The following GIPC2 variants were observed in gnomAD, a reference collection of about 807,000 sequenced individuals.
GIPC2 encodes the protein GIPC PDZ domain containing family member 2, also known as PDZ domain-containing protein GIPC2.
In GIPC2, 30 loss-of-function variants were observed where a neutral mutation model predicts 30.6. That is an observed-to-expected ratio of 0.98 (90% CI 0.73 to 1.33). The LOEUF is 1.33. Among genes scored for constraint, GIPC2 ranks in the 40% most tolerant of loss-of-function variants. The probability of loss-of-function intolerance (pLI) is 0.00; values close to 1 mark genes in which losing one functional copy is unlikely to be tolerated. For missense variants in GIPC2, 414 were observed against 390.3 expected (o/e 1.06, Z -0.51); for synonymous variants, 167 against 150.0 (o/e 1.11, Z -0.83).
rs567810748 is a variant in GIPC2, at chr1:78,135,752, C to G, written c.*9C>G. 9 of 1,599,892 alleles carry G rather than the reference C, an allele frequency of 5.6e-6. No individual in the cohort carries two copies. In the African/African-American group the frequency reaches 1.2e-4, roughly 22 times the overall value. On this transcript the variant is annotated 3_prime_UTR_variant, in exon 6 of 6. Coordinates refer to ENST00000370759, the MANE Select transcript of GIPC2 (RefSeq NM_017655.6). ...AACGAAGAGGATTATGATGTGTACA[C>G]TCCATCTCTGAAGAAACAACCCATC...
At chr1:78,073,229 G>A (rs982461598) in intron 1 of GIPC2, among the ~76,000 whole-genome samples, 1 of 151,008 alleles carries the variant, frequency 6.6e-6, no homozygotes, top group African/African-American at 2.4e-5. Flanking sequence ...TCAGCCTCCT[G>A]AGTAGCTGGG....
At chr1:78,096,570 A>G (rs1056617441) in intron 3 of GIPC2, among the ~76,000 whole-genome samples, 1 of 151,766 alleles carries the variant, frequency 6.6e-6, no homozygotes, top group Non-Finnish European at 1.5e-5. Context: ...ATATACCTTA[A>G]CTTGGATGCT....
chr1:78,110,151 G>A (rs1283986001), intron 3 of GIPC2, among the ~76,000 whole-genome samples: 2 of 151,520 alleles, frequency 1.3e-5, no homozygotes, highest in Non-Finnish European at 2.9e-5. Flanking sequence ...TAACCTGCAC[G>A]TTGTGCACAT....
intron 1 of GIPC2, among the ~76,000 whole-genome samples, chr1:78,068,288 A>G (rs1661558625): frequency 1.3e-5 from 2 of 152,342 alleles, no homozygotes; most frequent in South Asian, 4.1e-4. Context: ...CCCCATACTC[A>G]TTAAGTCTCC....
At chr1:78,107,861 C>T (rs1435171481) in intron 3 of GIPC2, among the ~76,000 whole-genome samples, 2 of 124,278 alleles carry the variant, frequency 1.6e-5, no homozygotes, top group Non-Finnish European at 3.3e-5. Context: ...AAAAAAAGAG[C>T]TAGCATTCTA....
chr1:78,104,840 C>G (rs1162624255), intron 3 of GIPC2, among the ~76,000 whole-genome samples: 1 of 152,070 alleles, frequency 6.6e-6, no homozygotes, highest in Non-Finnish European at 1.5e-5. Flanking sequence ...GACAGTGATA[C>G]TCTCTTTCAT....
intron 1 of GIPC2, among the ~76,000 whole-genome samples, chr1:78,076,705 G>A (rs1298920466): frequency 2.0e-5 from 3 of 152,092 alleles, no homozygotes; most frequent in African/African-American, 7.2e-5. Flanking sequence ...TAGGGGTTGG[G>A]GACCCCTGCA....
chr1:78,053,540 T>C (rs1249486628), intron 1 of GIPC2, among the ~76,000 whole-genome samples: 1 of 152,072 alleles, frequency 6.6e-6, no homozygotes, highest in Non-Finnish European at 1.5e-5. Context: ...CAGTTGTCAC[T>C]TGTCACTGTT....
chr1:78,121,992 A>G (rs746021305), intron 4 of GIPC2, among the ~76,000 whole-genome samples: 3 of 152,198 alleles, frequency 2.0e-5, no homozygotes, highest in Non-Finnish European at 4.4e-5. Flanking sequence ...TCAGCAGGAA[A>G]AATGCCACGT....
chr1:78,085,240 A>G (rs1441926998), intron 2 of GIPC2, among the ~76,000 whole-genome samples: 1 of 152,152 alleles, frequency 6.6e-6, no homozygotes, highest in Non-Finnish European at 1.5e-5. Flanking sequence ...ATTTATTGAT[A>G]TGCTTATGTT....
At position 78,046,052 on chromosome 1, in the gene GIPC2, G is replaced by A. The variant is rs1172175566; in HGVS notation, c.-43G>A. ...TCCGAGGCGCCGGGGGGAGGAGGCG[G>A]CGGACGGCAGCGCAGGTGGGCCCGC... is the stretch of plus-strand genomic sequence containing the variant. On this transcript the variant is annotated 5_prime_UTR_variant, in exon 1 of 6. Coordinates refer to ENST00000370759, the MANE Select transcript of GIPC2 (RefSeq NM_017655.6). 1 of 1,399,938 alleles carries A rather than the reference G, an allele frequency of 7.1e-7. No individual in the cohort carries two copies. The highest frequency in any genetic ancestry group is 9.3e-7 in the Non-Finnish European group (1 of 1,079,274). The allele number at this position is 1,399,938 out of a possible 1,614,324, so 86.7% of individuals were successfully genotyped here.
chr1:78,088,884 CCTT>C (rs1661985047), intron 2 of GIPC2: 1 of 151,798 alleles, frequency 6.6e-6, no homozygotes, highest in Non-Finnish European at 1.5e-5. Flanking sequence ...ATGTGTCACT[CCTT>C]CTCCTAACTC....
At chr1:78,052,822 C>T (rs1325176404) in intron 1 of GIPC2, among the ~76,000 whole-genome samples, 1 of 152,170 alleles carries the variant, frequency 6.6e-6, no homozygotes, top group Non-Finnish European at 1.5e-5. Context: ...TTCCTTTTCT[C>T]AACTTGCTGA....
intron 4 of GIPC2, among the ~76,000 whole-genome samples, chr1:78,123,818 T>C (rs1197597676): frequency 1.3e-5 from 2 of 152,218 alleles, no homozygotes; most frequent in Non-Finnish European, 2.9e-5. Flanking sequence ...TGGATAGATA[T>C]AAAGGTTAAT....
Position 78,138,312 on chromosome 1 carries a change from T to C in GIPC2, c.*2569T>C, listed in dbSNP as rs1184459472. On this transcript the variant is annotated 3_prime_UTR_variant, in exon 6 of 6. Coordinates refer to ENST00000370759, the MANE Select transcript of GIPC2 (RefSeq NM_017655.6). ...TTCAATTATAAAAGCAATAATCAGG[T>C]AACCTCTATTTGGAGCTGCTACATC... The C allele has an allele frequency of 6.6e-6, 1 of 152,230 alleles. No homozygotes were observed. Among genetic ancestry groups the C allele is most frequent in the Non-Finnish European group, 1.5e-5 (1 of 68,042 alleles). The allele number at this position is 152,230 out of a possible 1,614,324, so 9.4% of individuals were successfully genotyped here. A position where few individuals can be genotyped will look rare whatever the true frequency, so the allele number is the denominator to read the frequency against.
chr1:78,067,359 A>G (rs1046227203), intron 1 of GIPC2, among the ~76,000 whole-genome samples: 5 of 152,238 alleles, frequency 3.3e-5, no homozygotes, highest in African/African-American at 1.2e-4. Context: ...GGTGTCCAGA[A>G]CAATGGTACA....
At chr1:78,128,644 A>G (rs1357166693) in intron 5 of GIPC2, among the ~76,000 whole-genome samples, 1 of 152,234 alleles carries the variant, frequency 6.6e-6, no homozygotes, top group Non-Finnish European at 1.5e-5. Context: ...GAATTTTTAC[A>G]TATACATACA....
In GIPC2 at chr1:78,126,044, T is replaced by A. The variant is rs1311503481; in HGVS notation, c.796+82T>A. On this transcript the variant is annotated intron_variant, in intron 5 of 5. Transcript: ENST00000370759. The stretch of plus-strand genomic sequence containing the variant: ...TCTTGTTTATACATACAGCCAATTA[T>A]ACTTTTGAAGATAACAATATTTGTG... 8 of 656,458 alleles carry A rather than the reference T, an allele frequency of 1.2e-5. No homozygotes were observed. In the East Asian group the frequency reaches 1.8e-4, roughly 14 times the overall value. The allele number at this position is 656,458 out of a possible 1,614,324, so 40.7% of individuals were successfully genotyped here. A position where few individuals can be genotyped will look rare whatever the true frequency, so the allele number is the denominator to read the frequency against.
intron 2 of GIPC2, among the ~76,000 whole-genome samples, chr1:78,082,609 T>A (rs1171508895): frequency 6.6e-6 from 1 of 152,208 alleles, no homozygotes; most frequent in East Asian, 1.9e-4. Flanking sequence ...GCCTCTGACA[T>A]TCAGAGCTTG....
Sources: allele counts gnomAD v4.1 joint callset (sites outside exome capture counted in the v4.1 genomes callset), GRCh38; gene constraint gnomAD v4.1.1; transcripts MANE v1.5; gene names NCBI Gene and HGNC (gene_info 2026-07-23, HGNC 2026-07-21).